Variants in NALF1 observed in about 807,000 individuals in gnomAD.
NALF1 encodes family with sequence similarity 155 member A.
Under a neutral mutation model 48.4 loss-of-function variants are expected in NALF1, and 3 were observed. The observed-to-expected ratio is 0.06, with a 90% CI of 0.03 to 0.16. The LOEUF is 0.16. NALF1 is among the 10% of genes least tolerant of loss of function. The probability of loss-of-function intolerance (pLI) is 1.00; values close to 1 mark genes in which losing one functional copy is unlikely to be tolerated. For synonymous variants in NALF1, 262 were observed against 245.7 expected (o/e 1.07, Z -0.62); for missense variants, 526 against 571.5 (o/e 0.92, Z 0.81).
chr13:107,723,986 TA>T (rs1381972171), intron 1 of NALF1, among the ~76,000 whole-genome samples: 1 of 152,198 alleles, frequency 6.6e-6, no homozygotes, highest in East Asian at 1.9e-4. Flanking sequence ...TGTTCCAAGT[TA>T]AATTTTAACC....
chr13:107,837,339 A>G (rs1383373233), intron 1 of NALF1, among the ~76,000 whole-genome samples: 1 of 152,206 alleles, frequency 6.6e-6, no homozygotes, highest in Non-Finnish European at 1.5e-5. Context: ...CTCAGATGTT[A>G]TTATGCTTGG....
intron 1 of NALF1, among the ~76,000 whole-genome samples, chr13:107,660,470 C>A (rs1204488008): frequency 8.1e-6 from 1 of 122,730 alleles, no homozygotes; most frequent in Admixed American, 7.7e-5. Context: ...CACACACACA[C>A]ACACACACAC....
At chr13:107,853,959 C>T (rs556350564) in intron 1 of NALF1, among the ~76,000 whole-genome samples, 2 of 152,190 alleles carry the variant, frequency 1.3e-5, no homozygotes, top group South Asian at 4.1e-4. Flanking sequence ...ATTGGATCAA[C>T]TATTTTAATC....
At chr13:107,398,906 A>C (rs971980414) in intron 1 of NALF1, among the ~76,000 whole-genome samples, 2 of 152,198 alleles carry the variant, frequency 1.3e-5, no homozygotes, top group Admixed American at 6.5e-5. Flanking sequence ...GCATTTCTAC[A>C]TACGAGGAAG....
chr13:107,771,995 A>G (rs999167498), intron 1 of NALF1, among the ~76,000 whole-genome samples: 2 of 152,142 alleles, frequency 1.3e-5, no homozygotes, highest in African/African-American at 4.8e-5. Context: ...TCGGCCTCCC[A>G]AAGTGCTGGG....
intron 1 of NALF1, among the ~76,000 whole-genome samples, chr13:107,749,885 T>A (rs1876886179): frequency 6.6e-6 from 1 of 151,948 alleles, no homozygotes. Context: ...AGTGGTGAGA[T>A]CTTGGCTCAC....
intron 1 of NALF1, among the ~76,000 whole-genome samples, chr13:107,258,761 C>G (rs1327061362): frequency 6.6e-6 from 1 of 151,488 alleles, no homozygotes; most frequent in African/African-American, 2.4e-5. Context: ...GATGAGTGGC[C>G]TACAAAAGGA....
chr13:107,834,149 G>A (rs1879823375), intron 1 of NALF1, among the ~76,000 whole-genome samples: 2 of 152,150 alleles, frequency 1.3e-5, no homozygotes, highest in Admixed American at 1.3e-4. Context: ...GGTATTATGA[G>A]TAATCTAGAG....
chr13:107,766,088 T>C (rs1877412290), intron 1 of NALF1, among the ~76,000 whole-genome samples: 1 of 152,146 alleles, frequency 6.6e-6, no homozygotes, highest in Admixed American at 6.6e-5. Flanking sequence ...CTGTTTACAT[T>C]TGATGATTGC....
Position 107,535,862 on chromosome 13 carries a change from C to G in NALF1, c.916-325107G>C, listed in dbSNP as rs1314835173. 7.2e-5 allele frequency among the ~76,000 whole-genome samples: 11 copies of G among 152,250 alleles called. No homozygotes were observed. The East Asian group carries it at 1.4e-3, about 19-fold the overall frequency. ...CTACAGTAACCAAAACAGCATGGTA[C>G]TGGTACCAAAACAGAGATATAGACC... is the stretch of plus-strand genomic sequence containing the variant. On this transcript the variant is annotated intron_variant, in intron 1 of 2. Transcript: ENST00000375915.
chr13:107,296,429 A>T (rs1022901242), intron 1 of NALF1, among the ~76,000 whole-genome samples: 5 of 152,204 alleles, frequency 3.3e-5, no homozygotes, highest in Admixed American at 6.5e-5. Flanking sequence ...CAGTAAAATT[A>T]AAAAAATCTA....
chr13:107,418,191 T>C (rs552559022), intron 1 of NALF1, among the ~76,000 whole-genome samples: 2 of 152,328 alleles, frequency 1.3e-5, no homozygotes, highest in Non-Finnish European at 2.9e-5. Context: ...ATCATGTGAC[T>C]GTTGTGTGCT....
chr13:107,340,787 C>T (rs1882665592), intron 1 of NALF1, among the ~76,000 whole-genome samples: 1 of 152,052 alleles, frequency 6.6e-6, no homozygotes, highest in African/African-American at 2.4e-5. Flanking sequence ...CCTAATGAAT[C>T]CAATTTTAAT....
In NALF1 at chr13:107,272,673, A is replaced by T. The variant is rs1399719366; in HGVS notation, c.916-61918T>A. ...TTTGTGTGATACAGTTCATGTAATG[A>T]CTTTGTAGGATCATCAGAAAGTATA... On this transcript the variant is annotated intron_variant, in intron 1 of 2. Coordinates refer to ENST00000375915, the MANE Select transcript of NALF1 (RefSeq NM_001080396.3). 2.0e-5 allele frequency among the ~76,000 whole-genome samples: 3 copies of T among 152,180 alleles called. No individual in the cohort carries two copies. In the East Asian group the frequency reaches 5.8e-4, roughly 29 times the overall value.
At chr13:107,381,265 G>C (rs1016139044) in intron 1 of NALF1, among the ~76,000 whole-genome samples, 1 of 151,010 alleles carries the variant, frequency 6.6e-6, no homozygotes, top group Admixed American at 6.6e-5. Context: ...CAGTGGCATG[G>C]TCATAGCTCA....
At chr13:107,331,850 G>T (rs1417048887) in intron 1 of NALF1, among the ~76,000 whole-genome samples, 1 of 151,992 alleles carries the variant, frequency 6.6e-6, no homozygotes, top group Non-Finnish European at 1.5e-5. Context: ...GTTTTCATAA[G>T]ACATTATAAT....
chr13:107,807,123 T>C (rs187198124), intron 1 of NALF1, among the ~76,000 whole-genome samples: 30 of 152,286 alleles, frequency 2.0e-4, no homozygotes, highest in Non-Finnish European at 3.5e-4. Flanking sequence ...TAATGACTTA[T>C]CCTTTTTAAA....
chr13:107,381,139 C>CAT (rs1211630219), intron 1 of NALF1, among the ~76,000 whole-genome samples: 9 of 145,494 alleles, frequency 6.2e-5, no homozygotes, highest in Non-Finnish European at 1.3e-4. Flanking sequence ...AATATATATT[C>CAT]ATATATATAT....
chr13:107,174,131 A>T (rs1290513462), intron 2 of NALF1, among the ~76,000 whole-genome samples: 6 of 151,412 alleles, frequency 4.0e-5, no homozygotes, highest in African/African-American at 1.5e-4. Flanking sequence ...GTTGTGTTTC[A>T]TTCCCTCCCT....
Sources: allele counts gnomAD v4.1 joint callset (sites outside exome capture counted in the v4.1 genomes callset), GRCh38; gene constraint gnomAD v4.1.1; transcripts MANE v1.5; gene names NCBI Gene and HGNC (gene_info 2026-07-23, HGNC 2026-07-21).